NFYC: variants seen among roughly 807,000 people sequenced by gnomAD.
NFYC encodes CAAT box DNA-binding protein subunit C.
Under a neutral mutation model 53.1 loss-of-function variants are expected in NFYC, and 25 were observed. The ratio of observed to expected loss-of-function variants is 0.47; its 90% confidence interval spans 0.34 to 0.66. NFYC has a LOEUF of 0.66. Ranked by LOEUF, NFYC falls within the 30% of genes least tolerant of loss-of-function variation. The pLI is 0.01. For missense variants in NFYC, 260 were observed against 422.7 expected (o/e 0.62, Z 3.38); for synonymous variants, 145 against 152.6 (o/e 0.95, Z 0.37).
At chr1:40,767,242 G>C (rs1207126005) in intron 8 of NFYC, 1 of 444,792 alleles carries the variant, frequency 2.2e-6, no homozygotes, top group South Asian at 2.4e-5. Flanking sequence ...GAGGGACATG[G>C]GTATTACTTG....
intron 4 of NFYC, 138 bp downstream of exon 4, chr1:40,749,824 T>C (rs989928672): frequency 4.9e-5 from 33 of 667,360 alleles, no homozygotes; most frequent in Non-Finnish European, 7.6e-5. Flanking sequence ...TGTTCTCCTT[T>C]AGGCCTCTAT....
At chr1:40,703,003 G>T (rs1373884149) in intron 1 of NFYC, among the ~76,000 whole-genome samples, 1 of 152,002 alleles carries the variant, frequency 6.6e-6, no homozygotes, top group Non-Finnish European at 1.5e-5. Flanking sequence ...TTTTAGTGGA[G>T]ACGGGGTTTC....
At chr1:40,763,124 A>G (rs1646635036) in intron 7 of NFYC, 78 bp downstream of exon 7, 1 of 1,298,798 alleles carries the variant, frequency 7.7e-7, no homozygotes, top group East Asian at 2.6e-5. Context: ...TGATATATAT[A>G]TGTATATCTC....
intron 1 of NFYC, among the ~76,000 whole-genome samples, chr1:40,728,918 G>A (rs555263528): frequency 2.6e-5 from 4 of 152,192 alleles, no homozygotes; most frequent in African/African-American, 7.2e-5. Context: ...GATTACAGGC[G>A]TGAGCCACTG....
At chr1:40,708,993 T>C (rs533730690) in intron 1 of NFYC, among the ~76,000 whole-genome samples, 78 of 152,350 alleles carry the variant, frequency 5.1e-4, no homozygotes, top group Non-Finnish European at 8.4e-4. Context: ...CAATAAGAAA[T>C]CCCGTGGGTG....
chr1:40,737,029 A>G (rs1341304775), intron 1 of NFYC, among the ~76,000 whole-genome samples: 2 of 148,422 alleles, frequency 1.3e-5, no homozygotes, highest in African/African-American at 4.9e-5. Flanking sequence ...CAGGAGGCTG[A>G]GGCAGGAGAA....
intron 2 of NFYC, among the ~76,000 whole-genome samples, chr1:40,742,867 C>T (rs1420043193): frequency 6.6e-6 from 1 of 152,160 alleles, no homozygotes; most frequent in Admixed American, 6.5e-5. Flanking sequence ...GCTTCTCTGA[C>T]TGCGCTGCTG....
At position 40,758,247 on chromosome 1, in the gene NFYC, A is replaced by G. The variant is rs748945146; in HGVS notation, c.514A>G (p.Thr172Ala). 6.2e-7 allele frequency: 1 copy of G among 1,613,570 alleles called. No homozygotes were observed. The highest frequency in any genetic ancestry group is 1.1e-5 in the South Asian group (1 of 91,034). ...QGQQTTSSTT[T>A]IQPGQIIIAQ... ...CCAGCAGACCACCAGCTCCACGACC[A>G]CCATCCAGCCTGGGCAGATCATCAT... Residue 172 changes from threonine to alanine, a missense_variant, in exon 6 of 10, where the codon ACC (threonine) becomes GCC (alanine). Coordinates refer to ENST00000447388, the MANE Select transcript of NFYC (RefSeq NM_014223.5).
At chr1:40,696,947 G>A (rs1443358536) in intron 1 of NFYC, among the ~76,000 whole-genome samples, 3 of 152,342 alleles carry the variant, frequency 2.0e-5, no homozygotes, top group Admixed American at 1.3e-4. Context: ...TATAATGTAA[G>A]TAGATTAATT....
chr1:40,698,117 C>T (rs193181190), intron 1 of NFYC, among the ~76,000 whole-genome samples: 1 of 152,268 alleles, frequency 6.6e-6, no homozygotes, highest in Admixed American at 6.5e-5. Context: ...AATCCCAGCA[C>T]TTTGGGAGGA....
intron 3 of NFYC, among the ~76,000 whole-genome samples, chr1:40,747,841 GTTTT>G (rs1227259090): frequency 2.2e-5 from 3 of 136,998 alleles, no homozygotes; most frequent in Non-Finnish European, 4.8e-5. Context: ...TTGATGTTGG[GTTTT>G]TTTTTTTTTT....
chr1:40,769,996 G>A (rs1647006289), intron 9 of NFYC, among the ~76,000 whole-genome samples: 1 of 152,158 alleles, frequency 6.6e-6, no homozygotes, highest in African/African-American at 2.4e-5. Flanking sequence ...AAAGGGAGAA[G>A]AGCTGGCATC....
At chr1:40,723,765 G>C (rs1273499164) in intron 1 of NFYC, 1 of 152,090 alleles carries the variant, frequency 6.6e-6, no homozygotes, top group Non-Finnish European at 1.5e-5. Flanking sequence ...GACCACCCAG[G>C]CTCAAGCAGT....
chr1:40,703,701 A>G (rs557063220), intron 1 of NFYC, among the ~76,000 whole-genome samples: 9 of 152,316 alleles, frequency 5.9e-5, no homozygotes, highest in Admixed American at 5.2e-4. Flanking sequence ...AAAAATAAAG[A>G]CACTTGCTGC....
At chr1:40,740,892 G>C (rs1320139451) in intron 2 of NFYC, among the ~76,000 whole-genome samples, 2 of 151,730 alleles carry the variant, frequency 1.3e-5, no homozygotes, top group African/African-American at 2.4e-5. Context: ...TTTAAGCTCA[G>C]CACTTAACTT....
At chr1:40,700,022 A>G (rs970893801) in intron 1 of NFYC, among the ~76,000 whole-genome samples, 6 of 152,216 alleles carry the variant, frequency 3.9e-5, no homozygotes, top group Non-Finnish European at 7.3e-5. Context: ...GTTTCATGCT[A>G]TGACTGGTGT....
rs186011427 is a variant in NFYC, at chr1:40,761,238, C to T, written c.562-1650C>T. On this transcript the variant is annotated intron_variant, in intron 6 of 9. Transcript: ENST00000447388. ...TTTCATCTGTGCTCCTCTCTGCCAA[C>T]CCAGACGTGCTCAGCTTGGAGCTGA... is the stretch of plus-strand genomic sequence containing the variant. Among the ~76,000 whole-genome samples, 29 of 152,328 alleles carry T rather than the reference C, an allele frequency of 1.9e-4. 1 individual carries two copies. The highest frequency in any genetic ancestry group is 1.9e-3 in the Admixed American group (29 of 15,308).
chr1:40,719,098 T>C (rs192299208), intron 1 of NFYC, among the ~76,000 whole-genome samples: 45 of 152,346 alleles, frequency 3.0e-4, no homozygotes, highest in African/African-American at 1.1e-3. Flanking sequence ...CTTGATCTTA[T>C]GACCTCGTGA....
chr1:40,699,112 C>G (rs1056311786), intron 1 of NFYC, among the ~76,000 whole-genome samples: 1 of 151,796 alleles, frequency 6.6e-6, no homozygotes, highest in Non-Finnish European at 1.5e-5. Context: ...TGCAGTGAGC[C>G]GAGATCGCGC....
Sources: allele counts gnomAD v4.1 joint callset (sites outside exome capture counted in the v4.1 genomes callset), GRCh38; gene constraint gnomAD v4.1.1; transcripts MANE v1.5; gene names NCBI Gene and HGNC (gene_info 2026-07-23, HGNC 2026-07-21).